GALNT13: variants seen among roughly 807,000 people sequenced by gnomAD.
The protein encoded by GALNT13 is polypeptide N-acetylgalactosaminyltransferase 13.
Under a neutral mutation model 64.2 loss-of-function variants are expected in GALNT13, and 28 were observed. The observed-to-expected ratio is 0.44, with a 90% CI of 0.32 to 0.60. GALNT13 has a LOEUF of 0.60. Among genes scored for constraint, GALNT13 ranks in the 20% least tolerant of loss-of-function variants. GALNT13 has a pLI of 0.05. For synonymous variants in GALNT13, 214 were observed against 224.6 expected (o/e 0.95, Z 0.42); for missense variants, 577 against 669.8 (o/e 0.86, Z 1.53).
the GALNT13 span, among the ~76,000 whole-genome samples, chr2:153,108,191 C>T: frequency 1.3e-5 from 2 of 152,106 alleles, no homozygotes; most frequent in Non-Finnish European, 2.9e-5. Context: ...AGCACACTGT[C>T]TTATAGGTGG....
chr2:153,119,239 G>A, the GALNT13 span, among the ~76,000 whole-genome samples: 1 of 151,994 alleles, frequency 6.6e-6, no homozygotes, highest in African/African-American at 2.4e-5. Context: ...ATACATAAGT[G>A]CACAGCTAGG....
the GALNT13 span, among the ~76,000 whole-genome samples, chr2:153,782,078 T>A: frequency 6.6e-6 from 1 of 152,038 alleles, no homozygotes; most frequent in Non-Finnish European, 1.5e-5. Context: ...CCCCCTAAAT[T>A]CATATGTTGA....
Position 154,114,700 on chromosome 2 carries a change from G to T in GALNT13, c.143-25637G>T, listed in dbSNP as rs992791538. Among the ~76,000 whole-genome samples, 3 of 152,174 alleles carry T rather than the reference G, an allele frequency of 2.0e-5. No homozygotes were observed. In the East Asian group the frequency reaches 5.8e-4, roughly 29 times the overall value. ...TTTCTCTGTTTTTATAATCCAAATT[G>T]GTCTTTTGTCCATTTGACCTAGAAG... On this transcript the variant is annotated intron_variant, in intron 3 of 12. Coordinates refer to ENST00000392825, the MANE Select transcript of GALNT13 (RefSeq NM_052917.4).
At chr2:154,217,964 G>A (rs1214120101) in intron 4 of GALNT13, among the ~76,000 whole-genome samples, 1 of 152,054 alleles carries the variant, frequency 6.6e-6, no homozygotes, top group African/African-American at 2.4e-5. Context: ...TAAATGACAG[G>A]AAAAGATCAG....
intron 3 of GALNT13, among the ~76,000 whole-genome samples, chr2:154,104,673 T>C (rs527710972): frequency 9.8e-5 from 15 of 152,334 alleles, no homozygotes; most frequent in Non-Finnish European, 1.5e-4. Context: ...TCCATAGGAA[T>C]GGCACATGCC....
chr2:153,319,925 T>A, the GALNT13 span, among the ~76,000 whole-genome samples: 1 of 152,094 alleles, frequency 6.6e-6, no homozygotes, highest in Non-Finnish European at 1.5e-5. Flanking sequence ...CTGGCCATTT[T>A]AGTGGAAGGG....
chr2:153,942,314 T>G (rs1296868872), intron 2 of GALNT13, among the ~76,000 whole-genome samples: 2 of 152,118 alleles, frequency 1.3e-5, no homozygotes, highest in Non-Finnish European at 2.9e-5. Context: ...CCAGGATCAT[T>G]TATGTATATG....
chr2:153,765,001 C>T, the GALNT13 span, among the ~76,000 whole-genome samples: 12 of 152,204 alleles, frequency 7.9e-5, no homozygotes, highest in East Asian at 1.9e-4. Flanking sequence ...CTCCACCTAG[C>T]GTGCAGAAGA....
At chr2:153,666,721 GA>G in the GALNT13 span, among the ~76,000 whole-genome samples, 66 of 152,288 alleles carry the variant, frequency 4.3e-4, no homozygotes, top group African/African-American at 1.5e-3. Context: ...AAATGAGAAA[GA>G]ACCAGTGCAA....
chr2:153,816,494 G>A, the GALNT13 span, among the ~76,000 whole-genome samples: 11 of 152,174 alleles, frequency 7.2e-5, no homozygotes, highest in African/African-American at 2.7e-4. Context: ...TAGCTTAAAT[G>A]CAGTGAAAAC....
At chr2:153,733,477 G>C in the GALNT13 span, among the ~76,000 whole-genome samples, 2 of 152,098 alleles carry the variant, frequency 1.3e-5, no homozygotes, top group African/African-American at 4.8e-5. Flanking sequence ...AAATCAGTTG[G>C]ATACAGCCCC....
At chr2:153,141,378 G>C in the GALNT13 span, among the ~76,000 whole-genome samples, 6 of 151,974 alleles carry the variant, frequency 3.9e-5, no homozygotes, top group African/African-American at 1.4e-4. Context: ...CAGAGATAAG[G>C]GTGGGCTAGG....
the GALNT13 span, among the ~76,000 whole-genome samples, chr2:153,235,582 T>C: frequency 6.6e-6 from 1 of 152,108 alleles, no homozygotes; most frequent in African/African-American, 2.4e-5. Context: ...TTTTTTACTA[T>C]TATAGTGAGC....
At chr2:153,631,392 C>T in the GALNT13 span, among the ~76,000 whole-genome samples, 1 of 152,086 alleles carries the variant, frequency 6.6e-6, no homozygotes, top group African/African-American at 2.4e-5. Flanking sequence ...CCACACTGTC[C>T]TCCACAATGG....
the GALNT13 span, among the ~76,000 whole-genome samples, chr2:153,639,098 G>C: frequency 6.6e-6 from 1 of 151,980 alleles, no homozygotes; most frequent in Non-Finnish European, 1.5e-5. Context: ...AGGCACTGCT[G>C]TGAAGAGAGG....
At chr2:153,533,234 C>A in the GALNT13 span, among the ~76,000 whole-genome samples, 1 of 151,774 alleles carries the variant, frequency 6.6e-6, no homozygotes, top group African/African-American at 2.4e-5. Context: ...GGTGGAGAGG[C>A]ATTTATTTAT....
At chr2:153,368,741 C>T in the GALNT13 span, among the ~76,000 whole-genome samples, 164 of 152,154 alleles carry the variant, frequency 1.1e-3, 4 homozygotes, top group Admixed American at 0.01. Flanking sequence ...CTTCACCATT[C>T]TTCTGTCAGT....
chr2:153,255,083 A>G, the GALNT13 span, among the ~76,000 whole-genome samples: 1 of 152,172 alleles, frequency 6.6e-6, no homozygotes, highest in South Asian at 2.1e-4. Flanking sequence ...AAAGTCTCCC[A>G]TTATTAATGT....
the GALNT13 span, among the ~76,000 whole-genome samples, chr2:153,415,838 T>G: frequency 2.6e-5 from 4 of 152,312 alleles, no homozygotes; most frequent in Admixed American, 1.3e-4. Context: ...CTATTGTCAA[T>G]CTAAGCTAGT....
Sources: allele counts gnomAD v4.1 joint callset (sites outside exome capture counted in the v4.1 genomes callset), GRCh38; gene constraint gnomAD v4.1.1; transcripts MANE v1.5; gene names NCBI Gene and HGNC (gene_info 2026-07-23, HGNC 2026-07-21).